Variants in N4BP2L2 observed in about 807,000 individuals in gnomAD.
N4BP2L2 encodes the protein NEDD4 binding protein 2 like 2, also known as NEDD4-binding protein 2-like 2.
Under a neutral mutation model 56.2 loss-of-function variants are expected in N4BP2L2, and 50 were observed. The ratio of observed to expected loss-of-function variants is 0.89; its 90% confidence interval spans 0.71 to 1.13. The LOEUF (loss-of-function observed/expected upper bound fraction) is 1.13, where lower values mean the gene tolerates loss of function less well. Among genes scored for constraint, N4BP2L2 ranks in the 50% most tolerant of loss-of-function variants. N4BP2L2 has a pLI of 0.00. For missense variants in N4BP2L2, 689 were observed against 693.8 expected, an observed-to-expected ratio of 0.99 and a Z score of 0.08; for synonymous variants, 203 against 223.6, an observed-to-expected ratio of 0.91 and a Z score of 0.82.
chr13:32,491,632 TATA>T (rs1333378016), intron 6 of N4BP2L2, among the ~76,000 whole-genome samples: 6 of 111,282 alleles, frequency 5.4e-5, no homozygotes, highest in African/African-American at 1.9e-4. Context: ...TATATATATA[TATA>T]TTTTTTTTTT....
Position 32,486,924 on chromosome 13 carries a change from G to A in N4BP2L2, c.365+30933C>T, listed in dbSNP as rs551174922. On this transcript the variant is annotated intron_variant, in intron 6 of 9. Transcript: ENST00000357505. ...TGAGGCAGGAGAATCATTTGAACTC[G>A]GAAGACGGAGGTTGCAGTGAGCCGA... is the stretch of plus-strand genomic sequence containing the variant. 3.9e-5 allele frequency among the ~76,000 whole-genome samples: 6 copies of A among 151,996 alleles called. No homozygotes were observed. The South Asian group carries it at 6.2e-4, about 16-fold the overall frequency.
At chr13:32,530,636 T>G (rs974829755) in intron 2 of N4BP2L2, among the ~76,000 whole-genome samples, 1 of 152,208 alleles carries the variant, frequency 6.6e-6, no homozygotes, top group Non-Finnish European at 1.5e-5. Flanking sequence ...TGACCTCATT[T>G]AATCCTCATA....
chr13:32,519,029 T>C (rs890870493), intron 5 of N4BP2L2, among the ~76,000 whole-genome samples: 2 of 152,228 alleles, frequency 1.3e-5, no homozygotes, highest in South Asian at 2.1e-4. Flanking sequence ...AATTTATTTA[T>C]CTTGGAAAAA....
At chr13:32,461,983 A>G (rs543581078) in intron 6 of N4BP2L2, among the ~76,000 whole-genome samples, 2 of 152,316 alleles carry the variant, frequency 1.3e-5, no homozygotes, top group South Asian at 4.1e-4. Flanking sequence ...ACTCTCATAC[A>G]CTGTTGTTGG....
At chr13:32,499,608 T>G (rs544439966) in intron 6 of N4BP2L2, among the ~76,000 whole-genome samples, 1 of 152,326 alleles carries the variant, frequency 6.6e-6, no homozygotes, top group South Asian at 2.1e-4. Context: ...TTTACATCTA[T>G]CATATTCTTC....
exon 7 of N4BP2L2, chr13:32,444,085 G>A (rs745343352): frequency 1.3e-6 from 2 of 1,565,044 alleles, no homozygotes; most frequent in African/African-American, 1.4e-5. Flanking sequence ...CTTCTGTTTG[G>A]TTTTGCTGAG....
chr13:32,438,243 A>G (rs1033270930), intron 8 of N4BP2L2, among the ~76,000 whole-genome samples: 1 of 152,240 alleles, frequency 6.6e-6, no homozygotes, highest in Non-Finnish European at 1.5e-5. Flanking sequence ...ACAATGGAAT[A>G]ATATTCAGCC....
intron 6 of N4BP2L2, among the ~76,000 whole-genome samples, chr13:32,482,996 C>T (rs2085103459): frequency 6.6e-6 from 1 of 152,184 alleles, no homozygotes; most frequent in African/African-American, 2.4e-5. Flanking sequence ...AATTCAATTA[C>T]TTTTCAATGT....
At chr13:32,536,350 A>G in exon 2 of N4BP2L2, 1 of 1,614,082 alleles carries the variant, frequency 6.2e-7, no homozygotes, top group Non-Finnish European at 8.5e-7. Flanking sequence ...GCATAGCTTT[A>G]TTACTAAGAT....
intron 6 of N4BP2L2, among the ~76,000 whole-genome samples, chr13:32,466,464 G>A (rs1016690364): frequency 2.6e-5 from 4 of 152,176 alleles, no homozygotes; most frequent in Middle Eastern, 3.4e-3. Flanking sequence ...CTACTCCAGA[G>A]GCTGAGGCAC....
chr13:32,478,060 T>C (rs1444507882), intron 6 of N4BP2L2: 2 of 1,288,638 alleles, frequency 1.6e-6, no homozygotes, highest in Non-Finnish European at 1.0e-6. Flanking sequence ...TGTGGGAAAA[T>C]TGTGAAATAT....
chr13:32,517,176 C>G lies in N4BP2L2; in HGVS notation c.*626G>C, dbSNP rs900722168. On this transcript the variant is annotated 3_prime_UTR_variant, in exon 6 of 6. Coordinates refer to ENST00000267068, the Ensembl canonical transcript of N4BP2L2. ...GATGGGTTGAGAAGGAGGATGATAA[C>G]TATGTATGCATTACAAGATGAATAT... 23 of 985,378 alleles carry G rather than the reference C, an allele frequency of 2.3e-5. No individual in the cohort carries two copies. The East Asian group carries it at 1.0e-3, about 44-fold the overall frequency. 61.0% of individuals were successfully genotyped at this position (985,378 alleles called of 1,614,324 possible).
chr13:32,495,211 C>T (rs556239657), intron 6 of N4BP2L2, among the ~76,000 whole-genome samples: 1 of 152,304 alleles, frequency 6.6e-6, no homozygotes, highest in East Asian at 1.9e-4. Context: ...TATACTCTTA[C>T]GGCCTCAAAG....
chr13:32,521,329 A>T (rs199752375), intron 5 of N4BP2L2, 44 bp downstream of exon 5: 2 of 1,378,264 alleles, frequency 1.5e-6, no homozygotes, highest in Admixed American at 3.6e-5. Flanking sequence ...TTCACAAAAG[A>T]AAGAAGAAAA....
intron 6 of N4BP2L2, among the ~76,000 whole-genome samples, chr13:32,500,846 T>C (rs1185327611): frequency 6.6e-6 from 1 of 151,194 alleles, no homozygotes; most frequent in African/African-American, 2.4e-5. Flanking sequence ...TTATGACAAC[T>C]CTGTCACTTT....
intron 6 of N4BP2L2, among the ~76,000 whole-genome samples, chr13:32,492,571 C>T (rs991146737): frequency 6.6e-6 from 1 of 152,090 alleles, no homozygotes; most frequent in African/African-American, 2.4e-5. Flanking sequence ...AATACCCTTT[C>T]ATATGGCAAA....
At chr13:32,465,254 T>C (rs937866391) in intron 6 of N4BP2L2, among the ~76,000 whole-genome samples, 1 of 152,064 alleles carries the variant, frequency 6.6e-6, no homozygotes, top group South Asian at 2.1e-4. Flanking sequence ...TGTGAGGCAC[T>C]GTGCCCAGCC....
intron 6 of N4BP2L2, among the ~76,000 whole-genome samples, chr13:32,489,400 A>C (rs557030237): frequency 2.0e-5 from 3 of 152,322 alleles, no homozygotes; most frequent in African/African-American, 7.2e-5. Flanking sequence ...CTTATCCTTA[A>C]ATAAACTAAC....
chr13:32,492,572 A>G (rs2087416221), intron 6 of N4BP2L2, among the ~76,000 whole-genome samples: 1 of 152,132 alleles, frequency 6.6e-6, no homozygotes, highest in African/African-American at 2.4e-5. Flanking sequence ...ATACCCTTTC[A>G]TATGGCAAAC....
Sources: gnomAD v4.1 joint callset for allele counts (sites outside exome capture counted in the v4.1 genomes callset) on GRCh38, gnomAD v4.1.1 for gene constraint, MANE v1.5 for transcripts, NCBI Gene and HGNC (gene_info 2026-07-23, HGNC 2026-07-21) for gene names.